The following SYN3 variants were observed in gnomAD, a reference collection of about 807,000 sequenced individuals.
SYN3 encodes the protein synapsin III, also known as synapsin-3.
In SYN3, 35 loss-of-function variants were observed where a neutral mutation model predicts 65.8. That is an observed-to-expected ratio of 0.53 (90% CI 0.41 to 0.70). SYN3 has a LOEUF of 0.70. Ranked by LOEUF, SYN3 falls within the 30% of genes least tolerant of loss-of-function variation. The pLI, the probability that SYN3 is intolerant of heterozygous loss-of-function variation, is 0.00. For missense variants in SYN3, 680 were observed against 749.0 expected, an observed-to-expected ratio of 0.91 and a Z score of 1.08; for synonymous variants, 270 against 292.9, an observed-to-expected ratio of 0.92 and a Z score of 0.80.
At chr22:32,740,568 G>C (rs2061391555) in intron 6 of SYN3, among the ~76,000 whole-genome samples, 1 of 152,206 alleles carries the variant, frequency 6.6e-6, no homozygotes. Flanking sequence ...GAGACGCAGA[G>C]TGTGGCTGGA....
At chr22:32,930,498 T>C (rs2050597922) in intron 4 of SYN3, among the ~76,000 whole-genome samples, 1 of 152,132 alleles carries the variant, frequency 6.6e-6, no homozygotes, top group Admixed American at 6.5e-5. Flanking sequence ...AGGACTAATA[T>C]ACCAAACATG....
rs1601897569 is a variant in SYN3, at chr22:32,678,512, A to T, written c.712-81776T>A. Reference sequence around the variant, plus strand: ...CACTGAAAGTACTCTTACTAAGATCATCCTTGTCGTTGAAAGACCTTCCTC... The same window carrying T: ...CACTGAAAGTACTCTTACTAAGATCTTCCTTGTCGTTGAAAGACCTTCCTC... On this transcript the variant is annotated intron_variant, in intron 6 of 13. Transcript: ENST00000358763. Among the ~76,000 whole-genome samples the T allele has an allele frequency of 8.5e-5, 13 of 152,154 alleles. 1 individual carries two copies. In the South Asian group the frequency reaches 2.7e-3, roughly 32 times the overall value.
At chr22:32,554,038 T>C (rs2058454834) in intron 7 of SYN3, among the ~76,000 whole-genome samples, 1 of 152,164 alleles carries the variant, frequency 6.6e-6, no homozygotes, top group Non-Finnish European at 1.5e-5. Flanking sequence ...CCTTTGAAAA[T>C]TCCCCTTGCC....
chr22:32,931,534 C>T (rs118084928), intron 3 of SYN3, 53 bp from the exon 4 acceptor site: 19,678 of 1,248,046 alleles, frequency 0.016, 184 homozygotes, highest in Middle Eastern at 0.031. Flanking sequence ...ACGGTGGTAA[C>T]AACGGTTAAC....
chr22:32,862,642 T>G (rs985306280), intron 6 of SYN3: 2 of 152,254 alleles, frequency 1.3e-5, no homozygotes, highest in African/African-American at 4.8e-5. Context: ...TATAAAAATC[T>G]GATGGCAAAA....
chr22:32,581,846 G>T (rs2058951147), intron 7 of SYN3, among the ~76,000 whole-genome samples: 1 of 136,832 alleles, frequency 7.3e-6, no homozygotes, highest in African/African-American at 2.8e-5. Flanking sequence ...GCCCAGGTTG[G>T]AGTGCGGTGG....
intron 6 of SYN3, among the ~76,000 whole-genome samples, chr22:32,706,825 G>A (rs1236145430): frequency 6.6e-6 from 1 of 152,088 alleles, no homozygotes; most frequent in Non-Finnish European, 1.5e-5. Flanking sequence ...GTTGTCCCAG[G>A]GCTGCTCCTT....
At chr22:32,735,304 G>T (rs1384937910) in intron 6 of SYN3, among the ~76,000 whole-genome samples, 1 of 152,196 alleles carries the variant, frequency 6.6e-6, no homozygotes, top group Non-Finnish European at 1.5e-5. Context: ...GGGGATAGTG[G>T]TGGCACCTAC....
intron 6 of SYN3, among the ~76,000 whole-genome samples, chr22:32,850,116 A>G (rs1346447315): frequency 1.3e-5 from 2 of 150,192 alleles, no homozygotes; most frequent in African/African-American, 4.9e-5. Flanking sequence ...ATAGTTAGCA[A>G]TGTTTGCTAA....
intron 4 of SYN3, among the ~76,000 whole-genome samples, chr22:32,900,641 CTA>C (rs137526): frequency 0.2 from 31,048 of 152,038 alleles, 3,955 homozygotes; most frequent in Middle Eastern, 0.31. Flanking sequence ...ACTGTAAGCT[CTA>C]TGAGGCCAAG....
Position 32,523,515 on chromosome 22 carries a change from A to AAAAC in SYN3, c.1318+4399_1318+4402dup, listed in dbSNP as rs541997649. 1.5e-3 allele frequency among the ~76,000 whole-genome samples: 233 copies of AAAAC among 152,242 alleles called. 2 individuals carry two copies. The highest frequency in any genetic ancestry group is 1.2e-3 in the East Asian group (6 of 5,178). On this transcript the variant is annotated intron_variant, in intron 12 of 13. Coordinates refer to ENST00000358763, the MANE Select transcript of SYN3 (RefSeq NM_003490.4). The stretch of plus-strand genomic sequence containing the variant: ...GCAAAAGAGCTAGACTCCATCTCAA[A>AAAAC]AAACAAACAAACAAACAAACAAAAA...
In SYN3 at chr22:32,511,909, G is replaced by A. The variant is rs143263811; in HGVS notation, c.*1783C>T. 6.6e-6 allele frequency among the ~76,000 whole-genome samples: 1 copy of A among 152,210 alleles called. No individual in the cohort carries two copies. The highest frequency in any genetic ancestry group is 2.1e-4 in the South Asian group (1 of 4,830). ...CTTAAATCCAGACCTGATCATGAGTGAGGGAAGAGGGCAATGTGAAGAGGA... is the reference window on the plus strand; with the variant it reads ...CTTAAATCCAGACCTGATCATGAGTAAGGGAAGAGGGCAATGTGAAGAGGA... On this transcript the variant is annotated 3_prime_UTR_variant, in exon 14 of 14. Transcript: ENST00000358763.
chr22:32,954,812 C>A (rs563862548), intron 3 of SYN3, among the ~76,000 whole-genome samples: 1 of 147,934 alleles, frequency 6.8e-6, no homozygotes, highest in Non-Finnish European at 1.5e-5. Context: ...GGAGCTGAAG[C>A]GGGGCTGGTA....
chr22:32,871,094 GT>G (rs1273198722), intron 4 of SYN3, among the ~76,000 whole-genome samples: 1 of 152,232 alleles, frequency 6.6e-6, no homozygotes, highest in African/African-American at 2.4e-5. Context: ...AGCAAACGTG[GT>G]GTCTTACTAA....
chr22:32,795,170 C>A (rs1279577388), intron 6 of SYN3, among the ~76,000 whole-genome samples: 1 of 152,150 alleles, frequency 6.6e-6, no homozygotes, highest in Non-Finnish European at 1.5e-5. Flanking sequence ...ACAAGTGAAT[C>A]ATTTCAAGCA....
In SYN3 at chr22:32,825,657, C is replaced by CAAAAA. The variant is rs130292; in HGVS notation, c.711+39253_711+39257dup. On this transcript the variant is annotated intron_variant, in intron 6 of 13. Coordinates refer to ENST00000358763, the MANE Select transcript of SYN3 (RefSeq NM_003490.4). ...TGGGCGACAGAGCGAGTTTCCATCT[C>CAAAAA]AAAAAAAAAAAAAAAAAAAAAAAAA... 1.4e-4 allele frequency among the ~76,000 whole-genome samples: 4 copies of CAAAAA among 28,594 alleles called. 1 individual carries two copies. Among genetic ancestry groups the CAAAAA allele is most frequent in the Admixed American group, 7.0e-4 (1 of 1,430 alleles). 18.8% of individuals were successfully genotyped at this position (28,594 alleles called of 152,430 possible).
intron 1 of SYN3, among the ~76,000 whole-genome samples, chr22:33,040,801 CGAA>C (rs2053950037): frequency 6.6e-6 from 1 of 152,258 alleles, no homozygotes; most frequent in South Asian, 2.1e-4. Context: ...TGCTGCCTTG[CGAA>C]GAAGGTGTTT....
chr22:32,967,203 C>G (rs535108233), intron 3 of SYN3, among the ~76,000 whole-genome samples: 1 of 152,242 alleles, frequency 6.6e-6, no homozygotes, highest in Non-Finnish European at 1.5e-5. Flanking sequence ...CAGCTGCCAT[C>G]TGCCTCAGGC....
At chr22:32,668,453 A>G (rs1422585974) in intron 6 of SYN3, among the ~76,000 whole-genome samples, 1 of 149,162 alleles carries the variant, frequency 6.7e-6, no homozygotes, top group African/African-American at 2.5e-5. Context: ...GAAAATGACA[A>G]TCAGTTTTGT....
Sources: gnomAD v4.1 joint callset for allele counts (sites outside exome capture counted in the v4.1 genomes callset) on GRCh38, gnomAD v4.1.1 for gene constraint, MANE v1.5 for transcripts, NCBI Gene and HGNC (gene_info 2026-07-23, HGNC 2026-07-21) for gene names.